Variants in EPHA6 observed in about 807,000 individuals in gnomAD.
The protein encoded by EPHA6 is ephrin type-A receptor 6.
Under a neutral mutation model 112.0 loss-of-function variants are expected in EPHA6, and 50 were observed. That is an observed-to-expected ratio of 0.45 (90% CI 0.36 to 0.56). The LOEUF (loss-of-function observed/expected upper bound fraction) is 0.56, where lower values mean the gene tolerates loss of function less well. Among genes scored for constraint, EPHA6 ranks in the 20% least tolerant of loss-of-function variants. The pLI, the probability that EPHA6 is intolerant of heterozygous loss-of-function variation, is 0.00. For synonymous variants in EPHA6, 529 were observed against 490.7 expected (o/e 1.08, Z -1.03); for missense variants, 1,280 against 1,417.4 (o/e 0.90, Z 1.56).
At chr3:97,066,166 G>A (rs2046171575) in intron 3 of EPHA6, among the ~76,000 whole-genome samples, 1 of 151,950 alleles carries the variant, frequency 6.6e-6, no homozygotes, top group South Asian at 2.1e-4. Context: ...TTAATTTTTA[G>A]TTAGATCTTG....
At chr3:97,612,440 T>C (rs994389063) in intron 13 of EPHA6, 5 of 402,512 alleles carry the variant, frequency 1.2e-5, no homozygotes, top group African/African-American at 1.0e-4. Flanking sequence ...AAATTGCTGC[T>C]AAAAATGGAT....
intron 5 of EPHA6, among the ~76,000 whole-genome samples, chr3:97,256,579 A>G (rs1576783859): frequency 6.6e-6 from 1 of 152,172 alleles, no homozygotes; most frequent in Non-Finnish European, 1.5e-5. Context: ...GTATTTCTAT[A>G]CTGTATTTTG....
chr3:97,002,452 TA>T (rs2043703345), intron 3 of EPHA6, among the ~76,000 whole-genome samples: 1 of 150,766 alleles, frequency 6.6e-6, no homozygotes, highest in Non-Finnish European at 1.5e-5. Flanking sequence ...GAGGTGACCA[TA>T]AAATTTTTCT....
chr3:97,075,292 A>G (rs2046481061), intron 3 of EPHA6, among the ~76,000 whole-genome samples: 1 of 152,030 alleles, frequency 6.6e-6, no homozygotes. Context: ...TAATGTTCAT[A>G]TCAATTAATA....
chr3:96,883,808 C>T (rs1429042431), intron 2 of EPHA6, among the ~76,000 whole-genome samples: 1 of 152,092 alleles, frequency 6.6e-6, no homozygotes, highest in Non-Finnish European at 1.5e-5. Context: ...GCTGAGATTA[C>T]AGGTACCCGC....
intron 3 of EPHA6, among the ~76,000 whole-genome samples, chr3:96,992,393 A>G (rs555098619): frequency 1.3e-5 from 2 of 152,218 alleles, no homozygotes; most frequent in African/African-American, 4.8e-5. Context: ...CAGTTTCTAC[A>G]ATCTGGAAAT....
At chr3:97,152,276 A>C (rs1019085513) in intron 3 of EPHA6, among the ~76,000 whole-genome samples, 19 of 152,058 alleles carry the variant, frequency 1.2e-4, no homozygotes, top group Admixed American at 5.3e-4. Context: ...AGAATCAGGG[A>C]ATAAAAATAA....
intron 3 of EPHA6, among the ~76,000 whole-genome samples, chr3:97,028,388 G>A (rs183280808): frequency 1.0e-3 from 157 of 152,152 alleles, no homozygotes; most frequent in Middle Eastern, 3.4e-3. Context: ...GTAATAATAG[G>A]AGCTCAATAA....
intron 2 of EPHA6, among the ~76,000 whole-genome samples, chr3:96,879,220 G>A (rs1402560592): frequency 6.6e-6 from 1 of 151,898 alleles, no homozygotes; most frequent in Non-Finnish European, 1.5e-5. Context: ...TTTTGCCTTT[G>A]TTTATAAACG....
intron 7 of EPHA6, among the ~76,000 whole-genome samples, chr3:97,470,524 T>A (rs1008640606): frequency 6.6e-6 from 1 of 151,694 alleles, no homozygotes; most frequent in Non-Finnish European, 1.5e-5. Context: ...ACTAGAATAA[T>A]CTTGATTACA....
At chr3:97,730,552 T>C (rs1356045308) in intron 15 of EPHA6, among the ~76,000 whole-genome samples, 1 of 152,076 alleles carries the variant, frequency 6.6e-6, no homozygotes, top group Non-Finnish European at 1.5e-5. Flanking sequence ...AAAAATTCTC[T>C]CTAGTTAATT....
At chr3:97,319,442 C>T (rs1013463233) in intron 5 of EPHA6, among the ~76,000 whole-genome samples, 1 of 150,914 alleles carries the variant, frequency 6.6e-6, no homozygotes, top group African/African-American at 2.4e-5. Context: ...CTGAGGTGGG[C>T]GGAGCATTTG....
At chr3:97,675,154 G>A (rs2031243656) in intron 14 of EPHA6, among the ~76,000 whole-genome samples, 1 of 152,134 alleles carries the variant, frequency 6.6e-6, no homozygotes, top group South Asian at 2.1e-4. Context: ...AACAAAACAT[G>A]CAGAACTTGA....
chr3:97,049,097 G>A (rs1462729003), intron 3 of EPHA6, among the ~76,000 whole-genome samples: 5 of 152,172 alleles, frequency 3.3e-5, no homozygotes, highest in Admixed American at 3.3e-4. Flanking sequence ...GGGCTTGGGG[G>A]ATTGAGTGAG....
chr3:97,132,954 G>T (rs1387169269), intron 3 of EPHA6, among the ~76,000 whole-genome samples: 3 of 151,952 alleles, frequency 2.0e-5, no homozygotes, highest in African/African-American at 7.2e-5. Context: ...GCCACTCAAG[G>T]TAACGTTTTA....
intron 5 of EPHA6, among the ~76,000 whole-genome samples, chr3:97,355,128 T>G (rs1577071041): frequency 6.6e-6 from 1 of 152,146 alleles, no homozygotes; most frequent in Non-Finnish European, 1.5e-5. Flanking sequence ...AGTTCTTCAG[T>G]CTAAAAGAAG....
chr3:97,409,934 G>C (rs1008525178), intron 6 of EPHA6, among the ~76,000 whole-genome samples: 3 of 151,972 alleles, frequency 2.0e-5, no homozygotes, highest in Non-Finnish European at 2.9e-5. Flanking sequence ...GTTTCACCTA[G>C]TTCACAGATT....
At chr3:97,397,764 A>C (rs2086776545) in intron 5 of EPHA6, among the ~76,000 whole-genome samples, 2 of 151,650 alleles carry the variant, frequency 1.3e-5, no homozygotes, top group Admixed American at 1.3e-4. Flanking sequence ...GATTTCATTA[A>C]GTATACAGAA....
At chr3:97,505,513 T>A (rs577770763) in intron 10 of EPHA6, among the ~76,000 whole-genome samples, 1 of 152,330 alleles carries the variant, frequency 6.6e-6, no homozygotes, top group East Asian at 1.9e-4. Flanking sequence ...GCAAAGGACA[T>A]GAACTCATCC....
Sources: gnomAD v4.1 joint callset for allele counts (sites outside exome capture counted in the v4.1 genomes callset) on GRCh38, gnomAD v4.1.1 for gene constraint, MANE v1.5 for transcripts, NCBI Gene and HGNC (gene_info 2026-07-23, HGNC 2026-07-21) for gene names.